The following ACTR3C variants were observed in gnomAD, a reference collection of about 807,000 sequenced individuals.
ACTR3C encodes actin related protein 3C.
Under a neutral mutation model 26.3 loss-of-function variants are expected in ACTR3C, and 18 were observed. The ratio of observed to expected loss-of-function variants is 0.68; its 90% CI spans 0.47 to 1.01. The LOEUF is 1.01. ACTR3C is among the 50% of genes least tolerant of loss of function. The pLI is 0.00. For synonymous variants in ACTR3C, 55 were observed against 94.5 expected, an observed-to-expected ratio of 0.58 and a Z score of 2.42; for missense variants, 184 against 250.7, an observed-to-expected ratio of 0.73 and a Z score of 1.80.
intron 1 of ACTR3C, among the ~76,000 whole-genome samples, chr7:150,299,611 C>A (rs1327591234): frequency 6.6e-6 from 1 of 151,144 alleles, no homozygotes; most frequent in Non-Finnish European, 1.5e-5. Flanking sequence ...CATGGGGAAA[C>A]CCCATCTCTG....
chr7:150,202,288 T>C, the ACTR3C span, among the ~76,000 whole-genome samples: 2 of 152,166 alleles, frequency 1.3e-5, no homozygotes, highest in Admixed American at 1.3e-4. Context: ...CACTAAAATG[T>C]GTGAGCCAGG....
the ACTR3C span, among the ~76,000 whole-genome samples, chr7:150,185,276 C>CGCGT: frequency 7.1e-6 from 1 of 140,876 alleles, no homozygotes; most frequent in African/African-American, 2.6e-5. Flanking sequence ...AAATGTCAGG[C>CGCGT]GTGTGTGTGT....
At chr7:150,078,943 T>C in the ACTR3C span, among the ~76,000 whole-genome samples, 2 of 152,082 alleles carry the variant, frequency 1.3e-5, no homozygotes, top group East Asian at 3.9e-4. Context: ...TACTGAAGGA[T>C]GAGTGAGCTG....
At chr7:150,221,696 C>T in the ACTR3C span, among the ~76,000 whole-genome samples, 5 of 152,134 alleles carry the variant, frequency 3.3e-5, no homozygotes, top group African/African-American at 9.7e-5. Flanking sequence ...GGCTTGGTAA[C>T]AGAAGTACAT....
At chr7:150,085,007 G>A in the ACTR3C span, among the ~76,000 whole-genome samples, 2 of 152,102 alleles carry the variant, frequency 1.3e-5, no homozygotes, top group African/African-American at 4.8e-5. Context: ...TGAGGTGAAA[G>A]GGAAAGTGAA....
the ACTR3C span, among the ~76,000 whole-genome samples, chr7:150,031,723 C>T: frequency 1.3e-5 from 2 of 152,044 alleles, no homozygotes. Flanking sequence ...AATTTCTGCT[C>T]TCGGGGGTGG....
chr7:150,295,840 C>CA (rs1409770808), intron 1 of ACTR3C, among the ~76,000 whole-genome samples: 1 of 139,184 alleles, frequency 7.2e-6, no homozygotes, highest in African/African-American at 2.9e-5. Context: ...AGCACCCTTA[C>CA]AGTCCAGCGG....
intron 3 of ACTR3C, among the ~76,000 whole-genome samples, chr7:150,291,130 G>T (rs958889222): frequency 4.6e-5 from 7 of 152,132 alleles, no homozygotes; most frequent in African/African-American, 1.7e-4. Context: ...GCACACACGT[G>T]TCTTAGAAAA....
At chr7:150,115,225 AT>A in the ACTR3C span, among the ~76,000 whole-genome samples, 2 of 152,250 alleles carry the variant, frequency 1.3e-5, no homozygotes, top group African/African-American at 4.8e-5. Flanking sequence ...AAGAAATAAT[AT>A]GACAAACCCC....
At chr7:150,268,255 T>C (rs1834198374) in intron 6 of ACTR3C, among the ~76,000 whole-genome samples, 2 of 148,604 alleles carry the variant, frequency 1.3e-5, no homozygotes, top group Non-Finnish European at 2.9e-5. Context: ...TCCCCCATAG[T>C]TGCTATGGAC....
chr7:149,904,852 G>C, the ACTR3C span, among the ~76,000 whole-genome samples: 4 of 150,484 alleles, frequency 2.7e-5, no homozygotes, highest in Non-Finnish European at 4.4e-5. Flanking sequence ...AAATTAGCTG[G>C]ATGTCTCTAC....
chr7:150,313,666 C>A (rs1439204967), intron 1 of ACTR3C, among the ~76,000 whole-genome samples: 1 of 152,102 alleles, frequency 6.6e-6, no homozygotes, highest in Non-Finnish European at 1.5e-5. Flanking sequence ...CTTTGCAATG[C>A]CCTGGCCAAG....
chr7:150,146,823 A>T, the ACTR3C span, among the ~76,000 whole-genome samples: 2 of 152,228 alleles, frequency 1.3e-5, no homozygotes, highest in Non-Finnish European at 2.9e-5. Flanking sequence ...TAAATAACTG[A>T]TGTATTTTAT....
At chr7:149,893,169 A>C in the ACTR3C span, among the ~76,000 whole-genome samples, 1 of 152,164 alleles carries the variant, frequency 6.6e-6, no homozygotes, top group South Asian at 2.1e-4. Flanking sequence ...GAGCTCTCCC[A>C]TGAGCTATTT....
chr7:150,025,320 T>G, the ACTR3C span, among the ~76,000 whole-genome samples: 143,923 of 151,638 alleles, frequency 0.95, 68,557 homozygotes, highest in East Asian at 1. Context: ...TCACCCTGTT[T>G]TTTTCCCTCC....
In ACTR3C at chr7:150,280,510, G is replaced by A. The variant is rs115055288; in HGVS notation, c.564+4243C>T. On this transcript the variant is annotated intron_variant, in intron 6 of 7. Transcript: ENST00000683684. ...TGGAATGGCAGTTACCAGGTGCTGC[G>A]GAGTGGGGAGATGTTAGTCAAAGGG... Among the ~76,000 whole-genome samples, 1,335 of 152,282 alleles carry A rather than the reference G, an allele frequency of 8.8e-3. 18 individuals carry two copies. The highest frequency in any genetic ancestry group is 0.03 in the African/African-American group (1,266 of 41,550).
chr7:150,284,441 G>A (rs1835597850), intron 6 of ACTR3C, among the ~76,000 whole-genome samples: 1 of 152,156 alleles, frequency 6.6e-6, no homozygotes, highest in Non-Finnish European at 1.5e-5. Context: ...AGCTACTCAG[G>A]AGGCTGAGGC....
chr7:150,170,362 G>C, the ACTR3C span, among the ~76,000 whole-genome samples: 2 of 150,864 alleles, frequency 1.3e-5, no homozygotes, highest in East Asian at 3.8e-4. Flanking sequence ...TCTGCTAGAA[G>C]CAAGTCACTA....
the ACTR3C span, among the ~76,000 whole-genome samples, chr7:149,992,851 G>C: frequency 6.6e-6 from 1 of 152,198 alleles, no homozygotes; most frequent in Non-Finnish European, 1.5e-5. Flanking sequence ...AGAGAAGCCG[G>C]TAGTGGCTCA....
Sources: allele counts gnomAD v4.1 joint callset (sites outside exome capture counted in the v4.1 genomes callset), GRCh38; gene constraint gnomAD v4.1.1; transcripts MANE v1.5; gene names NCBI Gene and HGNC (gene_info 2026-07-23, HGNC 2026-07-21).